TMPRSS9: variants seen among roughly 807,000 people sequenced by gnomAD.
The protein encoded by TMPRSS9 is transmembrane protease serine 9.
TMPRSS9 carries 113 observed loss-of-function variants against 111.4 expected under a neutral mutation model. The ratio of observed to expected loss-of-function variants is 1.01; its 90% confidence interval spans 0.87 to 1.19. The LOEUF is 1.19. TMPRSS9 is among the 50% of genes most tolerant of loss of function. The pLI is 0.00. For synonymous variants in TMPRSS9, 805 were observed against 659.1 expected, an observed-to-expected ratio of 1.22 and a Z score of -3.39; for missense variants, 1,803 against 1,513.1, an observed-to-expected ratio of 1.19 and a Z score of -3.18.
At chr19:2,376,025 T>C (rs1459623304) in intron 1 of TMPRSS9, among the ~76,000 whole-genome samples, 1 of 152,120 alleles carries the variant, frequency 6.6e-6, no homozygotes, top group Non-Finnish European at 1.5e-5. Context: ...CGAGTAGCAT[T>C]GTCCCCAGGG....
intron 9 of TMPRSS9, among the ~76,000 whole-genome samples, chr19:2,411,168 C>A (rs910617428): frequency 1.3e-5 from 2 of 151,296 alleles, no homozygotes; most frequent in Admixed American, 1.3e-4. Flanking sequence ...GGCGTGGTGG[C>A]AGGTGCCTGT....
At chr19:2,418,238 C>G (rs1971297290) in intron 13 of TMPRSS9, 100 bp downstream of exon 14, 22 of 1,182,602 alleles carry the variant, frequency 1.9e-5, no homozygotes, top group Non-Finnish European at 2.6e-5. Context: ...TTTTTCCTTT[C>G]TTTCCTTCCC....
chr19:2,364,164 G>T (rs142157767), intron 1 of TMPRSS9, among the ~76,000 whole-genome samples: 1 of 151,742 alleles, frequency 6.6e-6, no homozygotes, highest in East Asian at 1.9e-4. Flanking sequence ...CCTGGGTGAC[G>T]GAGTGAGACC....
intron 1 of TMPRSS9, among the ~76,000 whole-genome samples, chr19:2,381,597 G>A (rs918118061): frequency 6.8e-6 from 1 of 146,160 alleles, no homozygotes; most frequent in African/African-American, 2.5e-5. Context: ...CTCGCTCCAC[G>A]CTGCCCCTGC....
At chr19:2,387,183 T>G (rs1234241962), upstream of TMPRSS9, among the ~76,000 whole-genome samples, 4 of 150,266 alleles carry the variant, frequency 2.7e-5, no homozygotes, top group Non-Finnish European at 5.9e-5. Context: ...ATAACAAGAT[T>G]CCCCTCTCTA....
intron 2 of TMPRSS9, among the ~76,000 whole-genome samples, chr19:2,397,922 A>G (rs1970743752): frequency 1.5e-5 from 2 of 137,828 alleles, no homozygotes; most frequent in African/African-American, 5.5e-5. Context: ...TCCATCTTAA[A>G]AAACAATTTT....
intron 10 of TMPRSS9, 115 bp from the exon 12 acceptor site, chr19:2,415,555 G>A (rs1437910900): frequency 2.0e-6 from 2 of 994,268 alleles, no homozygotes; most frequent in South Asian, 2.1e-5. Context: ...TGGAACGGGA[G>A]GGATTGCGGC....
At chr19:2,423,096 T>A (rs1056165520) in intron 14 of TMPRSS9, among the ~76,000 whole-genome samples, 2 of 151,554 alleles carry the variant, frequency 1.3e-5, no homozygotes, top group African/African-American at 4.9e-5. Context: ...GGGACTTTGA[T>A]GGTTCACAGC....
At chr19:2,413,984 G>A (rs960432766) in exon 10 of TMPRSS9, 2 of 1,606,226 alleles carry the variant, frequency 1.2e-6, no homozygotes, top group Non-Finnish European at 8.5e-7. Flanking sequence ...TCAGTACCGT[G>A]CCTCTTGACT....
intron 2 of TMPRSS9, among the ~76,000 whole-genome samples, chr19:2,398,310 A>AATG (rs1210178606): frequency 1.4e-5 from 2 of 147,588 alleles, no homozygotes; most frequent in Non-Finnish European, 3.0e-5. Flanking sequence ...TAATAATAAT[A>AATG]ATAAAAAATT....
Position 2,410,242 on chromosome 19 carries a change from C to CT in TMPRSS9, c.1118-15dup. On this transcript the variant is annotated splice_polypyrimidine_tract_variant and intron_variant, in intron 8 of 17. Transcript: ENST00000648592. ...TCCGGCACTCTCACCCTGCTTTTCT[C>CT]TCCCCATTCGGCCAGTGGTCAAGCC... is the stretch of plus-strand genomic sequence containing the variant. 1 of 1,613,432 alleles carries CT rather than the reference C, an allele frequency of 6.2e-7. No homozygotes were observed. The highest frequency in any genetic ancestry group is 8.5e-7 in the Non-Finnish European group (1 of 1,179,692).
At chr19:2,392,085 C>T (rs1970610646) in intron 1 of TMPRSS9, among the ~76,000 whole-genome samples, 1 of 151,968 alleles carries the variant, frequency 6.6e-6, no homozygotes, top group Non-Finnish European at 1.5e-5. Flanking sequence ...GTGGTGGCTC[C>T]TGCCTGTAAT....
exon 8 of TMPRSS9, chr19:2,408,415 A>C (rs1210984273): frequency 6.2e-7 from 1 of 1,613,666 alleles, no homozygotes; most frequent in East Asian, 2.2e-5. Context: ...AGCGGCTCGG[A>C]GGCCAGCACC....
chr19:2,395,210 G>A (rs1970682120), intron 1 of TMPRSS9, among the ~76,000 whole-genome samples: 1 of 152,170 alleles, frequency 6.6e-6, no homozygotes, highest in Non-Finnish European at 1.5e-5. Flanking sequence ...CTGAGGTCAG[G>A]AGTTCCAGAG....
chr19:2,413,930 T>C, exon 10 of TMPRSS9: 2 of 1,612,404 alleles, frequency 1.2e-6, no homozygotes, highest in Non-Finnish European at 1.7e-6. Context: ...CCACCAGTCC[T>C]GAGAGCCCTG....
rs973628859 is a variant in TMPRSS9, at chr19:2,415,845, A to C, written c.1745+4A>C. On this transcript the variant is annotated splice_donor_region_variant and intron_variant, in intron 11 of 17. Transcript: ENST00000648592. ...CTGCCGCCCACTGCTTCAACCAGTA[A>C]GGCCCGCCTCCTCCAGGAAGGCTGC... is the stretch of plus-strand genomic sequence containing the variant. 5 of 1,571,710 alleles carry C rather than the reference A, an allele frequency of 3.2e-6. No individual in the cohort carries two copies. The highest frequency in any genetic ancestry group is 4.3e-6 in the Non-Finnish European group (5 of 1,154,528).
intron 1 of TMPRSS9, among the ~76,000 whole-genome samples, chr19:2,375,559 G>A (rs1172199147): frequency 4.0e-3 from 496 of 123,266 alleles, no homozygotes; most frequent in African/African-American, 0.014. Context: ...GGAGGGGTGG[G>A]AACTGTGATT....
chr19:2,425,969 C>A (rs747763355), exon 18 of TMPRSS9: 2 of 1,606,970 alleles, frequency 1.2e-6, no homozygotes, highest in Non-Finnish European at 1.7e-6. Flanking sequence ...GCCCTCTGGA[C>A]GGTGGGTGCT....
At position 2,405,550 on chromosome 19, in the gene TMPRSS9, G is replaced by A. The variant is rs1970950976; in HGVS notation, c.842+5G>A. 6.5e-7 allele frequency: 1 copy of A among 1,547,582 alleles called. No individual in the cohort carries two copies. The highest frequency in any genetic ancestry group is 1.4e-5 in the African/African-American group (1 of 71,606). On this transcript the variant is annotated splice_donor_5th_base_variant and intron_variant, in intron 7 of 17. Coordinates refer to ENST00000648592, the Ensembl canonical transcript of TMPRSS9. ...TGCTGCTCACTGCTTCAATGAGTAA[G>A]CCCCCATCCCAAAGCACCAAACCCG...
Sources: allele counts gnomAD v4.1 joint callset (sites outside exome capture counted in the v4.1 genomes callset), GRCh38; gene constraint gnomAD v4.1.1; transcripts MANE v1.5; gene names NCBI Gene and HGNC (gene_info 2026-07-23, HGNC 2026-07-21).